PRKAG2: variants seen among roughly 807,000 people sequenced by gnomAD.
PRKAG2 encodes protein kinase AMP-activated non-catalytic subunit gamma 2, also known as 5'-AMP-activated protein kinase subunit gamma-2.
A neutral mutation model predicts 69.6 loss-of-function variants in PRKAG2; 26 were observed. That is an observed-to-expected ratio of 0.37 (90% CI 0.27 to 0.52). The LOEUF (loss-of-function observed/expected upper bound fraction) is 0.52, where lower values mean the gene tolerates loss of function less well. Ranked by LOEUF, PRKAG2 falls within the 20% of genes least tolerant of loss-of-function variation. The pLI is 0.90. For synonymous variants in PRKAG2, 293 were observed against 285.0 expected, an observed-to-expected ratio of 1.03 and a Z score of -0.28; for missense variants, 557 against 740.0, an observed-to-expected ratio of 0.75 and a Z score of 2.87.
At chr7:151,603,640 G>A (rs1214328105) in intron 5 of PRKAG2, among the ~76,000 whole-genome samples, 2 of 152,046 alleles carry the variant, frequency 1.3e-5, no homozygotes, top group South Asian at 2.1e-4. Flanking sequence ...GACCCGCTCC[G>A]TCCTCATCAT....
At chr7:151,696,265 C>G in intron 3 of PRKAG2, among the ~76,000 whole-genome samples, 1 of 152,218 alleles carries the variant, frequency 6.6e-6, no homozygotes, top group Non-Finnish European at 1.5e-5. Flanking sequence ...GAAAACGTGG[C>G]GCGCCCGGGG....
chr7:151,670,592 G>T (rs1206855865), intron 4 of PRKAG2, among the ~76,000 whole-genome samples: 1 of 152,118 alleles, frequency 6.6e-6, no homozygotes, highest in African/African-American at 2.4e-5. Context: ...ATAGGATGGG[G>T]TTTCCTCCCA....
intron 7 of PRKAG2, 35 bp downstream of exon 7, chr7:151,576,336 C>T: frequency 6.6e-7 from 1 of 1,515,720 alleles, no homozygotes; most frequent in East Asian, 2.3e-5. Flanking sequence ...TTCAAGGTTT[C>T]CATTTTCGAT....
At chr7:151,816,740 A>G (rs1488111495) in intron 1 of PRKAG2, among the ~76,000 whole-genome samples, 1 of 152,208 alleles carries the variant, frequency 6.6e-6, no homozygotes, top group Non-Finnish European at 1.5e-5. Context: ...GATCCGGCCA[A>G]TCTCAATATT....
At chr7:151,663,773 C>T (rs551337594) in intron 4 of PRKAG2, among the ~76,000 whole-genome samples, 3 of 152,366 alleles carry the variant, frequency 2.0e-5, no homozygotes, top group African/African-American at 7.2e-5. Flanking sequence ...CAAAGCACTA[C>T]TGTTTGTCCC....
intron 3 of PRKAG2, among the ~76,000 whole-genome samples, chr7:151,773,047 G>A (rs1337382419): frequency 0.019 from 762 of 40,392 alleles, 28 homozygotes; most frequent in East Asian, 0.054. Context: ...GAGAGAGAGA[G>A]AGAGAGGGAG....
intron 3 of PRKAG2, among the ~76,000 whole-genome samples, chr7:151,733,756 A>G (rs1799324627): frequency 6.6e-6 from 1 of 150,958 alleles, no homozygotes; most frequent in African/African-American, 2.5e-5. Flanking sequence ...GAGTACAGTG[A>G]TGTGATCAGA....
intron 3 of PRKAG2, among the ~76,000 whole-genome samples, chr7:151,718,154 G>A (rs1796460740): frequency 6.6e-6 from 1 of 152,078 alleles, no homozygotes; most frequent in Non-Finnish European, 1.5e-5. Context: ...TTACGTAACA[G>A]AAGTTGATTT....
rs139942950 is a variant in PRKAG2 at position 151,793,072 on chromosome 7, C to T, written c.115-6531G>A. On this transcript the variant is annotated intron_variant, in intron 1 of 15. Coordinates refer to ENST00000287878, the MANE Select transcript of PRKAG2 (RefSeq NM_016203.4). The stretch of plus-strand genomic sequence containing the variant: ...GAACCTGTGAAGATGCCTTGTAGCT[C>T]GCACGTTCTCTGTTTTTACCCACTG... Among the ~76,000 whole-genome samples, 997 of 152,018 alleles carry T rather than the reference C, an allele frequency of 6.6e-3. 15 individuals carry two copies. The highest frequency in any genetic ancestry group is 0.023 in the African/African-American group (953 of 41,272).
chr7:151,613,458 T>C (rs1291694427), intron 5 of PRKAG2, among the ~76,000 whole-genome samples: 1 of 152,110 alleles, frequency 6.6e-6, no homozygotes, highest in Admixed American at 6.6e-5. Flanking sequence ...TCTGAAAAAA[T>C]ACTAAATCTG....
intron 3 of PRKAG2, among the ~76,000 whole-genome samples, chr7:151,735,684 G>A (rs1799660135): frequency 6.6e-6 from 1 of 152,210 alleles, no homozygotes; most frequent in African/African-American, 2.4e-5. Flanking sequence ...AAAGGAAACA[G>A]CTTCAGAAAG....
chr7:151,636,567 G>A (rs533206001), intron 4 of PRKAG2, among the ~76,000 whole-genome samples: 1 of 152,202 alleles, frequency 6.6e-6, no homozygotes, highest in Admixed American at 6.5e-5. Flanking sequence ...GCACTCAGGT[G>A]GTTTCCACTT....
In PRKAG2 at chr7:151,719,594, C is replaced by T. The variant is rs571402283; in HGVS notation, c.467-43957G>A. On this transcript the variant is annotated intron_variant, in intron 3 of 15. Transcript: ENST00000287878. The surrounding 1 kb of genome is among the most constrained non-coding windows in gnomAD (Gnocchi z 5.2). The stretch of plus-strand genomic sequence containing the variant: ...TTCTGCCTCCTACCCTCATCCTTCC[C>T]GGGCAGTTCCCCCAGTGAGTCTGGT... Among the ~76,000 whole-genome samples, 17 of 152,136 alleles carry T rather than the reference C, an allele frequency of 1.1e-4. No individual in the cohort carries two copies. Among genetic ancestry groups the T allele is most frequent in the Non-Finnish European group, 2.4e-4 (16 of 68,030 alleles).
intron 4 of PRKAG2, among the ~76,000 whole-genome samples, chr7:151,668,642 T>C (rs369621439): frequency 1.3e-5 from 2 of 152,194 alleles, no homozygotes; most frequent in East Asian, 3.8e-4. Context: ...CTGTCTTGTG[T>C]GAGGGCACAA....
intron 14 of PRKAG2, among the ~76,000 whole-genome samples, chr7:151,562,273 A>G (rs60154508): frequency 0.091 from 12,982 of 142,454 alleles, 1,725 homozygotes; most frequent in African/African-American, 0.28. Context: ...AAAAAAAAAA[A>G]GGCTTCAGAA....
At position 151,814,703 on chromosome 7, in the gene PRKAG2, C is replaced by A. The variant is rs890505560; in HGVS notation, c.115-28162G>T. 2 of 1,231,656 alleles carry A rather than the reference C, an allele frequency of 1.6e-6. No individual in the cohort carries two copies. The highest frequency in any genetic ancestry group is 2.0e-6 in the Non-Finnish European group (2 of 987,988). 76.3% of individuals were successfully genotyped at this position (1,231,656 alleles called of 1,614,324 possible). A position where few individuals can be genotyped will look rare whatever the true frequency, so the allele number is the denominator to read the frequency against. On this transcript the variant is annotated intron_variant, in intron 1 of 15. Transcript: ENST00000287878. The surrounding 1 kb of genome is among the most constrained non-coding windows in gnomAD (Gnocchi z 4.8). ...CCAGTCCCCAAGGCAGCGCAACAAG[C>A]GGCTGGCAGACAGCATGGGCTGGCC... is the stretch of plus-strand genomic sequence containing the variant.
At chr7:151,765,831 T>A (rs1337331992) in intron 3 of PRKAG2, among the ~76,000 whole-genome samples, 1 of 152,158 alleles carries the variant, frequency 6.6e-6, no homozygotes, top group East Asian at 1.9e-4. Context: ...TGAAATAAAT[T>A]CTTCATCTTG....
chr7:151,757,558 C>T (rs1452914044), intron 3 of PRKAG2, among the ~76,000 whole-genome samples: 2 of 152,170 alleles, frequency 1.3e-5, no homozygotes, highest in Non-Finnish European at 2.9e-5. Context: ...CACATGACCT[C>T]GGTCATAATT....
chr7:151,630,759 T>C (rs189041667), intron 5 of PRKAG2, among the ~76,000 whole-genome samples: 198 of 152,312 alleles, frequency 1.3e-3, no homozygotes, highest in African/African-American at 4.3e-3. Flanking sequence ...TTCCACCCTG[T>C]GGACAGCGGC....
Sources: gnomAD v4.1 joint callset for allele counts (sites outside exome capture counted in the v4.1 genomes callset) on GRCh38, gnomAD v4.1.1 for gene constraint, Gnocchi (gnomAD v3.1) non-coding constraint, MANE v1.5 for transcripts, NCBI Gene and HGNC (gene_info 2026-07-23, HGNC 2026-07-21) for gene names.